DDX6: variants seen among roughly 807,000 people sequenced by gnomAD.
The protein encoded by DDX6 is DEAD-box helicase 6.
A neutral mutation model predicts 60.6 loss-of-function variants in DDX6; 7 were observed. The ratio of observed to expected loss-of-function variants is 0.12; its 90% CI spans 0.07 to 0.22. The LOEUF (loss-of-function observed/expected upper bound fraction) is 0.22, where lower values mean the gene tolerates loss of function less well. Ranked by LOEUF, DDX6 falls within the 10% of genes least tolerant of loss-of-function variation. The pLI, the probability that DDX6 is intolerant of heterozygous loss-of-function variation, is 1.00. For synonymous variants in DDX6, 207 were observed against 201.0 expected, an observed-to-expected ratio of 1.03 and a Z score of -0.25; for missense variants, 270 against 589.9, an observed-to-expected ratio of 0.46 and a Z score of 5.62.
At chr11:118,790,778 CGA>C (rs1862247887) in intron 1 of DDX6, 1 of 149,064 alleles carries the variant, frequency 6.7e-6, no homozygotes, top group Admixed American at 7.0e-5. Flanking sequence ...GGCCTCCGCC[CGA>C]GAGTCCCCCA....
chr11:118,760,277 T>A (rs1861119951), intron 7 of DDX6, among the ~76,000 whole-genome samples: 1 of 151,934 alleles, frequency 6.6e-6, no homozygotes, highest in African/African-American at 2.4e-5. Flanking sequence ...ACAGACAACC[T>A]CCCCCGCTTT....
At chr11:118,784,765 T>C (rs553259010) in intron 2 of DDX6, among the ~76,000 whole-genome samples, 1 of 152,084 alleles carries the variant, frequency 6.6e-6, no homozygotes, top group African/African-American at 2.4e-5. Context: ...CCTTTTTTTT[T>C]TTTGAGATGG....
At chr11:118,782,067 G>C (rs540013898) in intron 2 of DDX6, among the ~76,000 whole-genome samples, 1 of 152,092 alleles carries the variant, frequency 6.6e-6, no homozygotes, top group African/African-American at 2.4e-5. Context: ...ACAAAAATTA[G>C]CCAGCCATGG....
intron 7 of DDX6, among the ~76,000 whole-genome samples, chr11:118,762,302 T>A (rs1343232339): frequency 8.9e-5 from 13 of 145,630 alleles, no homozygotes; most frequent in East Asian, 2.0e-4. Flanking sequence ...ATAATAATAA[T>A]AAACCTCAAC....
chr11:118,750,532 C>T lies in DDX6; in HGVS notation c.*1573G>A, dbSNP rs1555156950. The T allele has an allele frequency of 6.6e-6, 1 of 152,170 alleles. No individual in the cohort carries two copies. Among genetic ancestry groups the T allele is most frequent in the East Asian group, 1.9e-4 (1 of 5,198 alleles). 9.4% of individuals were successfully genotyped at this position (152,170 alleles called of 1,614,324 possible). On this transcript the variant is annotated 3_prime_UTR_variant, in exon 14 of 14. Transcript: ENST00000534980. ...GTATCAAAGCGGGCAGAGGGCAACA[C>T]ATTTACACACTACAGGAAATGATCC...
chr11:118,790,902 C>T (rs1000511666), intron 1 of DDX6, 196 bp downstream of exon 1: 5 of 152,782 alleles, frequency 3.3e-5, no homozygotes, highest in Non-Finnish European at 7.3e-5. Flanking sequence ...AGGCCACTCC[C>T]GCTCGGCACC....
chr11:118,756,443 T>C lies in DDX6; in HGVS notation c.1111-120A>G, dbSNP rs1044852869. ...ATCTGTTTATAAGTGATCCATGATA[T>C]TAAGCTGCTTTCAAAACCAAATGAG... On this transcript the variant is annotated intron_variant, in intron 10 of 13. Transcript: ENST00000534980. 5.2e-6 allele frequency: 3 copies of C among 580,924 alleles called. No homozygotes were observed. In the African/African-American group the frequency reaches 5.8e-5, roughly 11 times the overall value. The allele number at this position is 580,924 out of a possible 1,614,324, so 36.0% of individuals were successfully genotyped here. A position where few individuals can be genotyped will look rare whatever the true frequency, so the allele number is the denominator to read the frequency against.
chr11:118,781,247 T>C, intron 2 of DDX6, 63 bp from the exon 3 acceptor site: 1 of 1,025,028 alleles, frequency 9.8e-7, no homozygotes, highest in South Asian at 1.5e-5. Flanking sequence ...AGATGATTCA[T>C]CTCAATTATA....
In DDX6 at chr11:118,751,722, C is replaced by T. The variant is rs114868590; in HGVS notation, c.*383G>A. Reference sequence around the variant, plus strand: ...GGAATCAGGGAGAAGTTGAAATGCACGAGAGTCAGCTGTTGGAGAATTTTG... The same window carrying T: ...GGAATCAGGGAGAAGTTGAAATGCATGAGAGTCAGCTGTTGGAGAATTTTG... On this transcript the variant is annotated 3_prime_UTR_variant, in exon 14 of 14. Transcript: ENST00000534980. 170 of 290,606 alleles carry T rather than the reference C, an allele frequency of 5.8e-4. 1 individual carries two copies. Among genetic ancestry groups the T allele is most frequent in the African/African-American group, 3.7e-3 (165 of 44,114 alleles). The allele number at this position is 290,606 out of a possible 1,614,324, so 18.0% of individuals were successfully genotyped here. A position where few individuals can be genotyped will look rare whatever the true frequency, so the allele number is the denominator to read the frequency against.
intron 4 of DDX6, among the ~76,000 whole-genome samples, chr11:118,769,116 A>AC (rs1443236971): frequency 6.6e-6 from 1 of 151,846 alleles, no homozygotes; most frequent in Non-Finnish European, 1.5e-5. Context: ...AAATGGTGAG[A>AC]CCCCATCTCT....
At chr11:118,787,630 G>A (rs1038879417) in intron 1 of DDX6, 1 of 152,088 alleles carries the variant, frequency 6.6e-6, no homozygotes. Context: ...CAGAGACCTT[G>A]TCTCAAAAAA....
At chr11:118,758,950 A>G (rs782334738) in intron 8 of DDX6, 48 bp from the exon 9 acceptor site, 3 of 1,608,436 alleles carry the variant, frequency 1.9e-6, no homozygotes, top group Non-Finnish European at 8.5e-7. Context: ...AAATGAAAGC[A>G]GAGTTCATCT....
intron 11 of DDX6, 66 bp from the exon 12 acceptor site, chr11:118,755,569 C>G: frequency 1.2e-6 from 1 of 863,162 alleles, no homozygotes; most frequent in Non-Finnish European, 1.9e-6. Flanking sequence ...AATACTAACA[C>G]ATATTTCTAG....
chr11:118,768,987 CAAA>C (rs782136763), intron 4 of DDX6, among the ~76,000 whole-genome samples: 5 of 39,984 alleles, frequency 1.3e-4, no homozygotes, highest in East Asian at 9.4e-4. Context: ...CGTCTCATCT[CAAA>C]AAAAAAAAAA....
chr11:118,775,919 C>A (rs1406819717), intron 4 of DDX6, among the ~76,000 whole-genome samples: 4 of 152,070 alleles, frequency 2.6e-5, no homozygotes, highest in Admixed American at 2.6e-4. Flanking sequence ...CTGCTTGAGC[C>A]CAGGAGGTCA....
At chr11:118,790,449 T>A (rs542865505) in intron 1 of DDX6, 1 of 151,862 alleles carries the variant, frequency 6.6e-6, no homozygotes, top group African/African-American at 2.4e-5. Context: ...ATAAATACCC[T>A]CTTGTTATTG....
chr11:118,757,796 G>C (rs1337865029), intron 9 of DDX6, among the ~76,000 whole-genome samples: 1 of 152,022 alleles, frequency 6.6e-6, no homozygotes, highest in Admixed American at 6.6e-5. Context: ...TCAGCCTGTT[G>C]GTCAGGCTGG....
chr11:118,776,798 A>G (rs1379379857), intron 4 of DDX6, among the ~76,000 whole-genome samples: 5 of 150,470 alleles, frequency 3.3e-5, no homozygotes, highest in Admixed American at 2.7e-4. Context: ...GCGCCACTGC[A>G]CTCCAGCCTG....
Position 118,786,170 on chromosome 11 carries a change from T to C in DDX6, c.82A>G (p.Thr28Ala), listed in dbSNP as rs1277389227. ...NGQLRGPVKP[T>A]GGPGGGGTQT... is the part of the protein sequence containing the mutation. Reference sequence around the variant, plus strand: ...GTGCCCCCTCCTCCAGGGCCACCAGTGGGTTTCACAGGGCCTCTCAGCTGA... The same window carrying C: ...GTGCCCCCTCCTCCAGGGCCACCAGCGGGTTTCACAGGGCCTCTCAGCTGA... The change falls in exon 2 of 14, where the codon ACT (threonine) becomes GCT (alanine). Residue 28 changes from threonine to alanine, a missense_variant. Physicochemically the swap from Thr to Ala is moderately conservative, Grantham distance 58. Coordinates refer to ENST00000534980, the MANE Select transcript of DDX6 (RefSeq NM_004397.6). The C allele has an allele frequency of 6.2e-7, 1 of 1,613,978 alleles. No individual in the cohort carries two copies. The highest frequency in any genetic ancestry group is 8.5e-7 in the Non-Finnish European group (1 of 1,179,888).
Sources: gnomAD v4.1 joint callset for allele counts (sites outside exome capture counted in the v4.1 genomes callset) on GRCh38, gnomAD v4.1.1 for gene constraint, MANE v1.5 for transcripts, NCBI Gene and HGNC (gene_info 2026-07-23, HGNC 2026-07-21) for gene names.